The following VCAM1 variants were observed in gnomAD, a reference collection of about 807,000 sequenced individuals.
VCAM1 encodes vascular cell adhesion molecule 1.
In VCAM1, 41 loss-of-function variants were observed where a neutral mutation model predicts 63.8. The observed-to-expected ratio is 0.64, with a 90% CI of 0.50 to 0.83. The LOEUF is 0.83. VCAM1 is among the 40% of genes least tolerant of loss of function. The pLI is 0.00. For missense variants in VCAM1, 798 were observed against 875.5 expected (o/e 0.91, Z 1.12); for synonymous variants, 338 against 320.7 (o/e 1.05, Z -0.58).
At chr1:100,722,913 C>A (rs1660004187) in intron 2 of VCAM1, 107 bp from the exon 3 acceptor site, 3 of 1,243,262 alleles carry the variant, frequency 2.4e-6, no homozygotes, top group Admixed American at 5.6e-5. Flanking sequence ...CGTATTAAGA[C>A]TGTATTAACA....
intron 3 of VCAM1, 101 bp from the exon 4 acceptor site, chr1:100,724,523 A>C: frequency 7.2e-7 from 1 of 1,384,366 alleles, no homozygotes; most frequent in South Asian, 1.4e-5. Flanking sequence ...GAGTAATTTC[A>C]TCAAATTGGT....
Position 100,720,476 on chromosome 1 carries a change from C to G in VCAM1, c.65C>G (p.Ser22Cys). The change falls in exon 2 of 9, where the codon TCT becomes TGT. Residue 22 changes from serine (S) to cysteine (C), a missense_variant and splice_region_variant. Transcript: ENST00000294728. ...SNILWIMFAA[S>C]QAFKIETTPE... is the part of the protein sequence containing the mutation. ...CTTCTGTCTTTTTTTGCTTTTGCAG[C>G]TCAAGCTTTTAAAATCGAGACCACC... is the stretch of plus-strand genomic sequence containing the variant. 2 of 1,603,718 alleles carry G rather than the reference C, an allele frequency of 1.2e-6. No homozygotes were observed. The highest frequency in any genetic ancestry group is 3.4e-5 in the Admixed American group (2 of 59,112).
Position 100,731,615 on chromosome 1 carries a change from T to C in VCAM1, c.1525+97T>C. The C allele has an allele frequency of 2.5e-6, 3 of 1,201,762 alleles. No homozygotes were observed. The highest frequency in any genetic ancestry group is 3.4e-6 in the Non-Finnish European group (3 of 870,044). The allele number at this position is 1,201,762 out of a possible 1,614,324, so 74.4% of individuals were successfully genotyped here. ...ATAAGGTTAATCGTTAAAACCTCTG[T>C]GGAGAAAAAACGTTACTGAAAAGAA... On this transcript the variant is annotated intron_variant, in intron 6 of 8. Transcript: ENST00000294728. The surrounding 1 kb of genome is among the most constrained non-coding windows in gnomAD (Gnocchi z 4.2).
intron 5 of VCAM1, 28 bp downstream of exon 5, chr1:100,729,410 T>G: frequency 8.2e-7 from 1 of 1,223,082 alleles, no homozygotes. Flanking sequence ...TTGTTTACTG[T>G]TTTTTTTTTT....
chr1:100,724,714 T>C lies in VCAM1; in HGVS notation c.752T>C (p.Leu251Pro). ...ACCATGACCTGTTCCAGCGAGGGTC[T>C]ACCAGCTCCAGAGATTTTCTGGAGT... Reference protein sequence around the residue: ...SVTMTCSSEGLPAPEIFWSKK... With the variant: ...SVTMTCSSEGPPAPEIFWSKK... The change falls in exon 4 of 9, where the codon CTA becomes CCA. Residue 251 changes from leucine (L) to proline (P), a missense_variant. By Grantham distance (98) the Leu-to-Pro change is moderately conservative. Transcript: ENST00000294728. 1.9e-6 allele frequency: 3 copies of C among 1,613,102 alleles called. No individual in the cohort carries two copies. Among genetic ancestry groups the C allele is most frequent in the Non-Finnish European group, 2.5e-6 (3 of 1,179,446 alleles).
At position 100,738,876 on chromosome 1, in the gene VCAM1, T is replaced by G. The variant is rs1441122376; in HGVS notation, c.*593T>G. ...CTCAACCTATGGTATAATGGTTGACTGGGTTTCTCTGTATAGTACTGGCAT... is the reference window on the plus strand; with the variant it reads ...CTCAACCTATGGTATAATGGTTGACGGGGTTTCTCTGTATAGTACTGGCAT... On this transcript the variant is annotated 3_prime_UTR_variant, in exon 9 of 9. Coordinates refer to ENST00000294728, the MANE Select transcript of VCAM1 (RefSeq NM_001078.4). 1.3e-5 allele frequency: 2 copies of G among 152,284 alleles called. No homozygotes were observed. Among genetic ancestry groups the G allele is most frequent in the Non-Finnish European group, 2.9e-5 (2 of 68,086 alleles). The allele number at this position is 152,284 out of a possible 1,614,324, so 9.4% of individuals were successfully genotyped here. A position where few individuals can be genotyped will look rare whatever the true frequency, so the allele number is the denominator to read the frequency against.
intron 5 of VCAM1, among the ~76,000 whole-genome samples, chr1:100,730,399 G>C (rs373732750): frequency 1.3e-5 from 2 of 151,914 alleles, no homozygotes; most frequent in African/African-American, 2.4e-5. Flanking sequence ...ACAACATTTT[G>C]GTTAAGGAAA....
Position 100,723,162 on chromosome 1 carries a change from T to G in VCAM1, c.483T>G (p.Ser161Arg). ...DLLKGDHLMK[S>R]QEFLEDADRK... ...TGAAAGGAGATCATCTCATGAAGAG[T>G]CAGGAATTTCTGGAGGATGCAGACA... The change falls in exon 3 of 9, where the codon AGT (serine) becomes AGG (arginine). Residue 161 changes from serine to arginine, a missense_variant. By Grantham distance (110) the Ser-to-Arg change is moderately radical (BLOSUM62 -1). Transcript: ENST00000294728. 6.2e-7 allele frequency: 1 copy of G among 1,612,984 alleles called. No individual in the cohort carries two copies. Among genetic ancestry groups the G allele is most frequent in the Non-Finnish European group, 8.5e-7 (1 of 1,179,430 alleles).
intron 3 of VCAM1, among the ~76,000 whole-genome samples, chr1:100,723,565 T>A (rs1052491172): frequency 6.6e-6 from 1 of 152,092 alleles, no homozygotes; most frequent in Non-Finnish European, 1.5e-5. Flanking sequence ...ATTAACTGTG[T>A]GAGTTTGGGT....
rs1291265104 is a variant in VCAM1 at position 100,731,247 on chromosome 1, G to A, written c.1254G>A (p.Gly418=). The A allele has an allele frequency of 1.2e-6, 2 of 1,613,336 alleles. No homozygotes were observed. The highest frequency in any genetic ancestry group is 8.5e-7 in the Non-Finnish European group (1 of 1,179,672). ...AGATGAGTGGTGGCCTCGTGAATGG[G>A]AGCTCTGTCACTGTAAGCTGCAAGG... ...EIEMSGGLVN[G]SSVTVSCKVP... is the part of the protein sequence containing the mutation. Residue 418 remains glycine, a synonymous_variant, in exon 6 of 9, where the codon GGG becomes GGA. Coordinates refer to ENST00000294728, the MANE Select transcript of VCAM1 (RefSeq NM_001078.4). The surrounding 1 kb of genome is among the most constrained non-coding windows in gnomAD (Gnocchi z 4.2).
chr1:100,738,441 A>AGG lies in VCAM1; in HGVS notation c.*159_*160insGG. ...CCATCTATGTCCCTTGCTGTGAGCA[A>AGG]GAAGTCAAAGTAAAACTTGCTGCCT... On this transcript the variant is annotated 3_prime_UTR_variant, in exon 9 of 9. Transcript: ENST00000294728. 1.3e-6 allele frequency: 1 copy of AGG among 766,204 alleles called. No individual in the cohort carries two copies. Among genetic ancestry groups the AGG allele is most frequent in the Non-Finnish European group, 1.9e-6 (1 of 515,720 alleles). The allele number at this position is 766,204 out of a possible 1,614,324, so 47.5% of individuals were successfully genotyped here. A position where few individuals can be genotyped will look rare whatever the true frequency, so the allele number is the denominator to read the frequency against.
In VCAM1 at chr1:100,732,582, C is replaced by G. The variant is rs1486604569; in HGVS notation, c.1690C>G (p.Leu564Val). The G allele has an allele frequency of 1.2e-6, 2 of 1,613,466 alleles. No individual in the cohort carries two copies. The highest frequency in any genetic ancestry group is 1.7e-6 in the Non-Finnish European group (2 of 1,179,752). ...ELQPLSENATLTLISTKMEDS... is the reference protein window; with the variant it reads ...ELQPLSENATVTLISTKMEDS... ...ACAGCCTCTTTCTGAGAATGCAACT[C>G]TCACCTTAATTTCTACAAAAATGGA... Residue 564 changes from leucine to valine, a missense_variant, in exon 7 of 9, where the codon CTC becomes GTC. Physicochemically the swap from Leu to Val is conservative, Grantham distance 32. Transcript: ENST00000294728.
Position 100,734,492 on chromosome 1 carries a change from C to A in VCAM1, c.1793-10C>A, listed in dbSNP as rs1385781411. On this transcript the variant is annotated splice_polypyrimidine_tract_variant and intron_variant, in intron 7 of 8. Coordinates refer to ENST00000294728, the MANE Select transcript of VCAM1 (RefSeq NM_001078.4). The stretch of plus-strand genomic sequence containing the variant: ...CTCAATCAGGGATGTCTTTTAAATT[C>A]TCTTTACAGTTACTCCAAAAGACAT... The A allele has an allele frequency of 5.0e-6, 8 of 1,603,946 alleles. No individual in the cohort carries two copies. Among genetic ancestry groups the A allele is most frequent in the South Asian group, 1.1e-5 (1 of 89,048 alleles).
intron 8 of VCAM1, 134 bp from the exon 9 acceptor site, chr1:100,737,989 T>C (rs1427210596): frequency 6.3e-6 from 6 of 952,822 alleles, no homozygotes; most frequent in East Asian, 2.5e-5. Flanking sequence ...TGGGTCCTGA[T>C]GGTCCTTATC....
chr1:100,733,901 A>G (rs1025928109), intron 7 of VCAM1, among the ~76,000 whole-genome samples: 13 of 152,182 alleles, frequency 8.5e-5, no homozygotes, highest in African/African-American at 2.4e-4. Flanking sequence ...GTATTTGTCA[A>G]TTTTCACACT....
chr1:100,732,551 G>A lies in VCAM1; in HGVS notation c.1659G>A (p.Gly553=), dbSNP rs760651363. Residue 553 remains glycine (G), a synonymous_variant, in exon 7 of 9, where the codon GGG becomes GGA. Transcript: ENST00000294728. ...TGTGGAGCAGGCAGCTCCCTAACGG[G>A]GAGCTACAGCCTCTTTCTGAGAATG... is the stretch of plus-strand genomic sequence containing the variant. ...KILWSRQLPN[G]ELQPLSENAT... The A allele has an allele frequency of 7.4e-6, 12 of 1,613,072 alleles. No homozygotes were observed. The highest frequency in any genetic ancestry group is 1.1e-5 in the South Asian group (1 of 90,818).
At chr1:100,722,304 T>A (rs1659981709) in intron 2 of VCAM1, among the ~76,000 whole-genome samples, 1 of 152,056 alleles carries the variant, frequency 6.6e-6, no homozygotes, top group African/African-American at 2.4e-5. Context: ...AAATATGTGT[T>A]CCAGAACATA....
intron 3 of VCAM1, among the ~76,000 whole-genome samples, 185 bp from the exon 4 acceptor site, chr1:100,724,439 A>G (rs1371458568): frequency 2.0e-5 from 3 of 152,094 alleles, no homozygotes; most frequent in African/African-American, 7.2e-5. Context: ...AACATCAACT[A>G]AACTTGATCA....
chr1:100,724,618 T>A lies in VCAM1; in HGVS notation c.662-6T>A. ...CAATTGCTAATATTATTTTTTGCCC[T>A]TTCAGTATCACCCAAGAATACAGTT... On this transcript the variant is annotated splice_region_variant and splice_polypyrimidine_tract_variant and intron_variant, in intron 3 of 8. Coordinates refer to ENST00000294728, the MANE Select transcript of VCAM1 (RefSeq NM_001078.4). 1 of 1,609,268 alleles carries A rather than the reference T, an allele frequency of 6.2e-7. No homozygotes were observed. Among genetic ancestry groups the A allele is most frequent in the Non-Finnish European group, 8.5e-7 (1 of 1,176,574 alleles).
Sources: allele counts gnomAD v4.1 joint callset (sites outside exome capture counted in the v4.1 genomes callset), GRCh38; gene constraint gnomAD v4.1.1; non-coding constraint Gnocchi (gnomAD v3.1); transcripts MANE v1.5; gene names NCBI Gene and HGNC (gene_info 2026-07-23, HGNC 2026-07-21).